SORCS3: variants seen among roughly 807,000 people sequenced by gnomAD.
The protein encoded by SORCS3 is sortilin related VPS10 domain containing receptor 3.
In SORCS3, 57 loss-of-function variants were observed where a neutral mutation model predicts 146.3. The ratio of observed to expected loss-of-function variants is 0.39; its 90% confidence interval spans 0.31 to 0.49. The LOEUF is 0.49. Ranked by LOEUF, SORCS3 falls within the 20% of genes least tolerant of loss-of-function variation. The probability of loss-of-function intolerance (pLI) is 0.92; values close to 1 mark genes in which losing one functional copy is unlikely to be tolerated. For missense variants in SORCS3, 1,341 were observed against 1,575.5 expected, an observed-to-expected ratio of 0.85 and a Z score of 2.52; for synonymous variants, 653 against 618.5, an observed-to-expected ratio of 1.06 and a Z score of -0.83.
chr10:105,041,391 T>C (rs1256868769), intron 4 of SORCS3, among the ~76,000 whole-genome samples: 1 of 144,996 alleles, frequency 6.9e-6, no homozygotes, highest in Non-Finnish European at 1.5e-5. Flanking sequence ...CATTACAGGC[T>C]ATTTTGAGGA....
chr10:105,150,233 C>T (rs1453168296), intron 9 of SORCS3, among the ~76,000 whole-genome samples: 1 of 152,130 alleles, frequency 6.6e-6, no homozygotes, highest in African/African-American at 2.4e-5. Flanking sequence ...GGATATCAAA[C>T]ACAGCTTTAT....
intron 20 of SORCS3, among the ~76,000 whole-genome samples, chr10:105,243,295 T>G (rs2056847628): frequency 6.6e-6 from 1 of 151,814 alleles, no homozygotes; most frequent in African/African-American, 2.4e-5. Context: ...ATTTAACAGA[T>G]AAAGAAGTAA....
intron 14 of SORCS3, among the ~76,000 whole-genome samples, chr10:105,196,297 T>C (rs1225338152): frequency 2.0e-5 from 3 of 152,190 alleles, no homozygotes. Context: ...GTTAGAACCT[T>C]TGTCTGTTAG....
chr10:104,876,159 A>G (rs1474658830), intron 2 of SORCS3, among the ~76,000 whole-genome samples: 1 of 152,208 alleles, frequency 6.6e-6, no homozygotes, highest in Non-Finnish European at 1.5e-5. Context: ...TGTGACTTCA[A>G]CTGTTGTAAG....
intron 1 of SORCS3, among the ~76,000 whole-genome samples, chr10:104,837,940 C>T (rs2018089620): frequency 1.3e-5 from 2 of 152,178 alleles, no homozygotes; most frequent in South Asian, 4.1e-4. Context: ...AGCAGAAATG[C>T]TGGTTCTGTC....
At chr10:104,808,466 T>C (rs1051000811) in intron 1 of SORCS3, among the ~76,000 whole-genome samples, 4 of 152,010 alleles carry the variant, frequency 2.6e-5, no homozygotes, top group Admixed American at 6.6e-5. Flanking sequence ...CAGGGAACAA[T>C]GAAAATATGG....
At chr10:104,796,180 C>T (rs770619759) in intron 1 of SORCS3, among the ~76,000 whole-genome samples, 2 of 152,208 alleles carry the variant, frequency 1.3e-5, no homozygotes, top group African/African-American at 2.4e-5. Flanking sequence ...TAGGTAGGGC[C>T]TGGGAGTTCC....
intron 2 of SORCS3, among the ~76,000 whole-genome samples, chr10:104,862,920 C>G (rs2018420239): frequency 6.6e-6 from 1 of 152,172 alleles, no homozygotes. Context: ...TATTCTTACA[C>G]TGCAGCAAAT....
chr10:104,777,491 C>A (rs777108157), intron 1 of SORCS3, among the ~76,000 whole-genome samples: 1 of 152,212 alleles, frequency 6.6e-6, no homozygotes, highest in Non-Finnish European at 1.5e-5. Context: ...CCTTTGCCCT[C>A]GCAACCTATT....
intron 1 of SORCS3, among the ~76,000 whole-genome samples, chr10:104,750,083 T>G (rs191808621): frequency 4.9e-4 from 74 of 152,288 alleles, no homozygotes; most frequent in Admixed American, 2.4e-3. Flanking sequence ...TATCAGTTAG[T>G]GGGTAGTACT....
chr10:105,058,636 T>C (rs1356060495), intron 5 of SORCS3, among the ~76,000 whole-genome samples: 1 of 151,838 alleles, frequency 6.6e-6, no homozygotes, highest in Non-Finnish European at 1.5e-5. Context: ...AGCATTGGAG[T>C]AGGAGACAGG....
intron 1 of SORCS3, among the ~76,000 whole-genome samples, chr10:104,827,116 G>A (rs1589514435): frequency 6.6e-6 from 1 of 152,114 alleles, no homozygotes; most frequent in East Asian, 1.9e-4. Flanking sequence ...ACTTATCTAT[G>A]AGAGTTGAAA....
At chr10:104,740,557 T>C (rs1288684380) in intron 1 of SORCS3, among the ~76,000 whole-genome samples, 1 of 152,212 alleles carries the variant, frequency 6.6e-6, no homozygotes, top group African/African-American at 2.4e-5. Context: ...TTAGTGTCTA[T>C]CTTCCAGATA....
intron 1 of SORCS3, among the ~76,000 whole-genome samples, chr10:104,652,839 G>A (rs1480182136): frequency 1.3e-5 from 2 of 152,126 alleles, no homozygotes; most frequent in Non-Finnish European, 2.9e-5. Context: ...GCCTAGTGAG[G>A]CAGCATGTGC....
intron 1 of SORCS3, among the ~76,000 whole-genome samples, chr10:104,698,488 C>T: frequency 6.6e-6 from 1 of 152,104 alleles, no homozygotes; most frequent in Non-Finnish European, 1.5e-5. Flanking sequence ...CTCAACAGCC[C>T]CTCTTTACTG....
chr10:105,227,985 T>TTG (rs59033040), intron 20 of SORCS3, among the ~76,000 whole-genome samples: 9,754 of 128,796 alleles, frequency 0.076, 449 homozygotes, highest in East Asian at 0.096. Flanking sequence ...TGTGGTCATT[T>TTG]TGTGTGTGTG....
chr10:105,163,300 T>C lies in SORCS3; in HGVS notation c.1733-1003T>C, dbSNP rs924131088. 3.3e-5 allele frequency among the ~76,000 whole-genome samples: 5 copies of C among 152,198 alleles called. No individual in the cohort carries two copies. In the East Asian group the frequency reaches 9.6e-4, roughly 29 times the overall value. On this transcript the variant is annotated intron_variant, in intron 11 of 26. Transcript: ENST00000369701. ...ATTGCATTTTTGTTGTGCTCCTATT[T>C]AGGCTACAGATGTGTGGGAGCTAAC...
At chr10:104,695,700 C>G (rs1589460837) in intron 1 of SORCS3, among the ~76,000 whole-genome samples, 1 of 151,510 alleles carries the variant, frequency 6.6e-6, no homozygotes. Context: ...AAATGGGTTC[C>G]ATCATGCATT....
intron 11 of SORCS3, among the ~76,000 whole-genome samples, chr10:105,163,123 A>C (rs553651719): frequency 6.6e-6 from 1 of 152,226 alleles, no homozygotes; most frequent in Admixed American, 6.5e-5. Context: ...CTGAGCCCTG[A>C]GCCCAGGGGT....
Sources: allele counts gnomAD v4.1 joint callset (sites outside exome capture counted in the v4.1 genomes callset), GRCh38; gene constraint gnomAD v4.1.1; transcripts MANE v1.5; gene names NCBI Gene and HGNC (gene_info 2026-07-23, HGNC 2026-07-21).